Variants in ATP12A observed in about 807,000 individuals in gnomAD.
The protein encoded by ATP12A is potassium-transporting ATPase alpha chain 2.
In ATP12A, 81 loss-of-function variants were observed where a neutral mutation model predicts 111.2. The ratio of observed to expected loss-of-function variants is 0.73; its 90% CI spans 0.61 to 0.88. ATP12A has a LOEUF of 0.88. ATP12A is among the 40% of genes least tolerant of loss of function. The pLI is 0.00. For synonymous variants in ATP12A, 498 were observed against 499.8 expected (o/e 1.00, Z 0.05); for missense variants, 1,196 against 1,313.1 (o/e 0.91, Z 1.38).
rs200578986 is a variant in ATP12A at position 24,707,303 on chromosome 13, A to T, written c.2363A>T (p.Lys788Met). 5 of 1,614,206 alleles carry T rather than the reference A, an allele frequency of 3.1e-6. No individual in the cohort carries two copies. In the Admixed American group the frequency reaches 6.7e-5, roughly 22 times the overall value. The change falls in exon 17 of 23, where the codon AAG becomes ATG. Residue 788 changes from lysine (K) to methionine (M), a missense_variant. This residue lies in a region of ATP12A where 1,126 missense variants were observed against 1,228.5 expected (regional missense o/e 0.92). Coordinates refer to ENST00000381946, the MANE Select transcript of ATP12A (RefSeq NM_001676.7). Reference sequence around the variant, plus strand: ...GGTCGCCTGATCTTTGACAACCTCAAGAAGACTATTGCTTATTCCCTGACC... The same window carrying T: ...GGTCGCCTGATCTTTGACAACCTCATGAAGACTATTGCTTATTCCCTGACC... ...EEGRLIFDNL[K>M]KTIAYSLTKN...
chr13:24,691,952 T>C lies in ATP12A; in HGVS notation c.1069-477T>C, dbSNP rs142084208. On this transcript the variant is annotated intron_variant, in intron 8 of 22. Transcript: ENST00000381946. ...GGAGCCAAAAGAACCCTTTGAGATC[T>C]AGGGGTTTAAAAGAATCTTTAAAAT... 6.3e-4 allele frequency among the ~76,000 whole-genome samples: 96 copies of C among 152,302 alleles called. 1 individual carries two copies. The highest frequency in any genetic ancestry group is 2.3e-3 in the African/African-American group (94 of 41,570).
Position 24,709,666 on chromosome 13 carries a change from C to A in ATP12A, c.2618-17C>A. 1 of 1,613,244 alleles carries A rather than the reference C, an allele frequency of 6.2e-7. No homozygotes were observed. Among genetic ancestry groups the A allele is most frequent in the Non-Finnish European group, 8.5e-7 (1 of 1,179,242 alleles). On this transcript the variant is annotated splice_polypyrimidine_tract_variant and intron_variant, in intron 18 of 22. Coordinates refer to ENST00000381946, the MANE Select transcript of ATP12A (RefSeq NM_001676.7). ...GGCCATCATAGAACCTGTGTCCTAT[C>A]TCTCTTGTTCTTTCAGGCCTCATGC...
In ATP12A at chr13:24,698,775, C is replaced by A. The variant is rs748868376; in HGVS notation, c.1630C>A (p.Pro544Thr). 6.2e-7 allele frequency: 1 copy of A among 1,613,970 alleles called. No homozygotes were observed. Among genetic ancestry groups the A allele is most frequent in the African/African-American group, 1.3e-5 (1 of 74,918 alleles). The change falls in exon 12 of 23, where the codon CCA (proline) becomes ACA (threonine). Residue 544 changes from proline to threonine, a missense_variant. Pro to Thr is a conservative substitution (Grantham distance 38, BLOSUM62 -1). Coordinates refer to ENST00000381946, the MANE Select transcript of ATP12A (RefSeq NM_001676.7). ...STIMINGEEH[P>T]LDKSTAKTFH... The stretch of plus-strand genomic sequence containing the variant: ...CATCATGATCAACGGCGAGGAGCAC[C>A]CACTGGACAAGAGCACTGCCAAGAC...
In ATP12A at chr13:24,691,005, A is replaced by C. The variant is rs756263275; in HGVS notation, c.823A>C (p.Asn275His). 13 of 1,614,066 alleles carry C rather than the reference A, an allele frequency of 8.1e-6. No homozygotes were observed. The highest frequency in any genetic ancestry group is 3.3e-4 in the Middle Eastern group (2 of 6,084). Reference protein sequence around the residue: ...LEGTVTGMVINTGDRTIIGHI... With the variant: ...LEGTVTGMVIHTGDRTIIGHI... ...AGGCACTGTCACCGGCATGGTTATCAACACGGGTGACCGCACCATCATTGG... is the reference window on the plus strand; with the variant it reads ...AGGCACTGTCACCGGCATGGTTATCCACACGGGTGACCGCACCATCATTGG... Residue 275 changes from asparagine to histidine, a missense_variant, in exon 8 of 23, where the codon AAC becomes CAC. By Grantham distance (68) the Asn-to-His change is moderately conservative (BLOSUM62 1). Transcript: ENST00000381946.
chr13:24,706,864 A>G (rs1159558572), intron 15 of ATP12A, among the ~76,000 whole-genome samples, 159 bp from the exon 16 acceptor site: 1 of 152,154 alleles, frequency 6.6e-6, no homozygotes, highest in African/African-American at 2.4e-5. Context: ...TCCTGCTTCT[A>G]AGATTTCTCA....
At chr13:24,691,938 A>C (rs1874921861) in intron 8 of ATP12A, among the ~76,000 whole-genome samples, 1 of 152,226 alleles carries the variant, frequency 6.6e-6, no homozygotes, top group African/African-American at 2.4e-5. Flanking sequence ...GAGCCAAAAG[A>C]ACCCTTTGAG....
In ATP12A at chr13:24,688,309, G is replaced by A. The variant is rs781540193; in HGVS notation, c.229-10G>A. The A allele has an allele frequency of 2.4e-5, 38 of 1,601,970 alleles. No individual in the cohort carries two copies. The highest frequency in any genetic ancestry group is 4.0e-5 in the African/African-American group (3 of 74,506). On this transcript the variant is annotated splice_polypyrimidine_tract_variant and intron_variant, in intron 3 of 22. Coordinates refer to ENST00000381946, the MANE Select transcript of ATP12A (RefSeq NM_001676.7). ...TTTGGTTGTGCATGTGCTTTGTTTG[G>A]CTTTCCCAGGGTCTCTCCAGCACCA...
At chr13:24,682,299 G>A (rs1874504417) in intron 2 of ATP12A, among the ~76,000 whole-genome samples, 1 of 145,812 alleles carries the variant, frequency 6.9e-6, no homozygotes, top group Non-Finnish European at 1.5e-5. Flanking sequence ...TGTGGTGTGT[G>A]TATGTGCATG....
At chr13:24,708,922 A>AAAG (rs1875805913) in intron 17 of ATP12A, among the ~76,000 whole-genome samples, 1 of 133,058 alleles carries the variant, frequency 7.5e-6, no homozygotes, top group Non-Finnish European at 1.6e-5. Flanking sequence ...AGAAAGAAAG[A>AAAG]AAGAAAGAAA....
At chr13:24,705,950 G>A (rs1007407651) in intron 14 of ATP12A, among the ~76,000 whole-genome samples, 1 of 152,186 alleles carries the variant, frequency 6.6e-6, no homozygotes, top group Non-Finnish European at 1.5e-5. Flanking sequence ...TGGGATTACA[G>A]GCATGAGCCA....
chr13:24,705,964 C>A (rs1008786004), intron 14 of ATP12A, among the ~76,000 whole-genome samples: 1 of 152,222 alleles, frequency 6.6e-6, no homozygotes, highest in Admixed American at 6.5e-5. Flanking sequence ...TGAGCCACTG[C>A]GTTTGGCCAT....
intron 3 of ATP12A, among the ~76,000 whole-genome samples, chr13:24,686,260 G>A (rs967579465): frequency 2.6e-5 from 4 of 151,902 alleles, no homozygotes; most frequent in Non-Finnish European, 5.9e-5. Context: ...CCAACATAGT[G>A]AAACCCCGTT....
At position 24,694,594 on chromosome 13, in the gene ATP12A, C is replaced by T; in HGVS notation, c.1512+16C>T. 6.2e-7 allele frequency: 1 copy of T among 1,612,244 alleles called. No homozygotes were observed. The highest frequency in any genetic ancestry group is 8.5e-7 in the Non-Finnish European group (1 of 1,179,972). On this transcript the variant is annotated intron_variant, in intron 11 of 22. Coordinates refer to ENST00000381946, the MANE Select transcript of ATP12A (RefSeq NM_001676.7). Reference sequence around the variant, plus strand: ...TAAATTTCAGGTGAGTTTTTCCTCACAACCGGTAATCTCTGTCATCGGCAG... The same window carrying T: ...TAAATTTCAGGTGAGTTTTTCCTCATAACCGGTAATCTCTGTCATCGGCAG...
Position 24,711,396 on chromosome 13 carries a change from G to A in ATP12A, c.3078G>A (p.Arg1026=), listed in dbSNP as rs1875963932. The A allele has an allele frequency of 5.0e-6, 8 of 1,613,220 alleles. No individual in the cohort carries two copies. The highest frequency in any genetic ancestry group is 2.7e-5 in the African/African-American group (2 of 74,888). The change falls in exon 22 of 23, where the codon AGG becomes AGA. Residue 1026 remains arginine (R), a synonymous_variant. Transcript: ENST00000381946. ...ATGAGGTGCGGAAGCTCTTCATCAG[G>A]CTCTACCCTGGAAGTGAGTAGCCTA... ...VYDEVRKLFI[R]LYPGSWWDKN... is the part of the protein sequence containing the mutation.
Position 24,688,355 on chromosome 13 carries a change from C to T in ATP12A, c.265C>T (p.Arg89Trp), listed in dbSNP as rs371217996. The T allele has an allele frequency of 1.1e-5, 18 of 1,613,784 alleles. No individual in the cohort carries two copies. The highest frequency in any genetic ancestry group is 3.3e-4 in the Middle Eastern group (2 of 6,074). The change falls in exon 4 of 23, where the codon CGG becomes TGG. Residue 89 changes from arginine to tryptophan, a missense_variant. Physicochemically the swap from Arg to Trp is moderately radical, Grantham distance 101. This residue lies in a region of ATP12A where 1,126 missense variants were observed against 1,228.5 expected (regional missense o/e 0.92). Transcript: ENST00000381946. ...CACCAGAGCTGCCGAGCTCCTGGCCCGGGATGGGCCCAACTCCCTCACCCC... is the reference window on the plus strand; with the variant it reads ...CACCAGAGCTGCCGAGCTCCTGGCCTGGGATGGGCCCAACTCCCTCACCCC... ...SSTRAAELLA[R>W]DGPNSLTPPK...
chr13:24,695,027 T>TGGCCTC (rs1875080886), intron 11 of ATP12A, among the ~76,000 whole-genome samples: 1 of 151,990 alleles, frequency 6.6e-6, no homozygotes, highest in African/African-American at 2.4e-5. Flanking sequence ...TACGTGGCCT[T>TGGCCTC]GTTCCATGTT....
At chr13:24,708,937 GA>G (rs1370843821) in intron 17 of ATP12A, among the ~76,000 whole-genome samples, 1 of 142,876 alleles carries the variant, frequency 7.0e-6, no homozygotes, top group Non-Finnish European at 1.5e-5. Flanking sequence ...AAGAAAGAAA[GA>G]AAGAAAGAAA....
intron 17 of ATP12A, among the ~76,000 whole-genome samples, chr13:24,708,880 G>A (rs901993252): frequency 3.6e-4 from 47 of 129,676 alleles, no homozygotes; most frequent in African/African-American, 1.3e-3. Flanking sequence ...GAGAAAGAGA[G>A]AGAAAGAGAA....
Position 24,685,719 on chromosome 13 carries a change from G to A in ATP12A, c.228+346G>A, listed in dbSNP as rs527606010. 3.9e-5 allele frequency among the ~76,000 whole-genome samples: 6 copies of A among 152,338 alleles called. No homozygotes were observed. In the East Asian group the frequency reaches 1.2e-3, roughly 29 times the overall value. Reference sequence around the variant, plus strand: ...TACAAGAAGTAGAAACGCTATGCTGGGACAAAGGTGGATTCTGATGGAAGG... The same window carrying A: ...TACAAGAAGTAGAAACGCTATGCTGAGACAAAGGTGGATTCTGATGGAAGG... On this transcript the variant is annotated intron_variant, in intron 3 of 22. Coordinates refer to ENST00000381946, the MANE Select transcript of ATP12A (RefSeq NM_001676.7). The surrounding 1 kb of genome is among the most constrained non-coding windows in gnomAD (Gnocchi z 5.5).
Sources: gnomAD v4.1 joint callset for allele counts (sites outside exome capture counted in the v4.1 genomes callset) on GRCh38, gnomAD v4.1.1 for gene constraint, gnomAD v4.1.1 regional missense constraint, Gnocchi (gnomAD v3.1) non-coding constraint, MANE v1.5 for transcripts, NCBI Gene and HGNC (gene_info 2026-07-23, HGNC 2026-07-21) for gene names.